CACNB1: variants seen among roughly 807,000 people sequenced by gnomAD.
CACNB1 encodes the protein voltage-dependent L-type calcium channel subunit beta-1.
Under a neutral mutation model 71.6 loss-of-function variants are expected in CACNB1, and 29 were observed. The ratio of observed to expected loss-of-function variants is 0.40; its 90% CI spans 0.30 to 0.55. The LOEUF is 0.55. Ranked by LOEUF, CACNB1 falls within the 20% of genes least tolerant of loss-of-function variation. The pLI, the probability that CACNB1 is intolerant of heterozygous loss-of-function variation, is 0.38. For missense variants in CACNB1, 623 were observed against 801.8 expected (o/e 0.78, Z 2.69); for synonymous variants, 300 against 319.6 (o/e 0.94, Z 0.65).
In CACNB1 at chr17:39,197,648, C is replaced by T; in HGVS notation, c.-153G>A. 1.8e-6 allele frequency: 1 copy of T among 557,152 alleles called. No individual in the cohort carries two copies. Among genetic ancestry groups the T allele is most frequent in the South Asian group, 2.3e-5 (1 of 43,312 alleles). 34.5% of individuals were successfully genotyped at this position (557,152 alleles called of 1,614,324 possible). The stretch of plus-strand genomic sequence containing the variant: ...CGGCTGCCTCCTTCCTGCCTTCCCT[C>T]GCTCCTCCCGCTCTCTCCACTGCCG... On this transcript the variant is annotated 5_prime_UTR_variant, in exon 1 of 14. Transcript: ENST00000394303.
At chr17:39,188,759 C>T (rs550287994) in intron 3 of CACNB1, among the ~76,000 whole-genome samples, 1 of 151,470 alleles carries the variant, frequency 6.6e-6, no homozygotes, top group Non-Finnish European at 1.5e-5. Flanking sequence ...ATAATAATAG[C>T]AGGCCGGGCA....
chr17:39,181,529 A>G (rs1364185934), intron 11 of CACNB1, among the ~76,000 whole-genome samples: 2 of 152,260 alleles, frequency 1.3e-5, no homozygotes, highest in Non-Finnish European at 2.9e-5. Flanking sequence ...AGTAAGTGAC[A>G]GCCCTGGAGT....
chr17:39,184,931 C>T lies in CACNB1; in HGVS notation c.649-67G>A, dbSNP rs2045895358. On this transcript the variant is annotated intron_variant, in intron 7 of 13. Coordinates refer to ENST00000394303, the MANE Select transcript of CACNB1 (RefSeq NM_000723.5). ...GACATTAGATCCTCTCCCCCAGACT[C>T]CAGGCTCCCCCATGCAGCCTTCCCC... 5.0e-6 allele frequency: 6 copies of T among 1,189,900 alleles called. No individual in the cohort carries two copies. The South Asian group carries it at 6.1e-5, about 12-fold the overall frequency. 73.7% of individuals were successfully genotyped at this position (1,189,900 alleles called of 1,614,324 possible). A position where few individuals can be genotyped will look rare whatever the true frequency, so the allele number is the denominator to read the frequency against.
intron 11 of CACNB1, among the ~76,000 whole-genome samples, chr17:39,183,368 G>GAAGAA (rs1433401577): frequency 2.1e-5 from 3 of 143,836 alleles, no homozygotes; most frequent in Non-Finnish European, 3.1e-5. Flanking sequence ...GAAGAAGAAA[G>GAAGAA]GAAAGACCTC....
intron 11 of CACNB1, chr17:39,182,860 C>T: frequency 4.7e-6 from 3 of 637,650 alleles, no homozygotes; most frequent in Non-Finnish European, 5.8e-6. Flanking sequence ...ATAATTCCCC[C>T]AAGATTCCAA....
Position 39,194,818 on chromosome 17 carries a change from T to C in CACNB1, c.171+66A>G. ...GGGTGCCTGGACAATACCGCAGACC[T>C]GGCTCACCAATGCTGGTCTCCACCA... On this transcript the variant is annotated intron_variant, in intron 2 of 13. Coordinates refer to ENST00000394303, the MANE Select transcript of CACNB1 (RefSeq NM_000723.5). This position sits in a 1 kb window ranked among gnomAD's most constrained non-coding sequence, Gnocchi z 4.6. 9.0e-7 allele frequency: 1 copy of C among 1,113,736 alleles called. No individual in the cohort carries two copies. The highest frequency in any genetic ancestry group is 1.4e-5 in the South Asian group (1 of 73,190). 69.0% of individuals were successfully genotyped at this position (1,113,736 alleles called of 1,614,324 possible). A position where few individuals can be genotyped will look rare whatever the true frequency, so the allele number is the denominator to read the frequency against.
At position 39,177,354 on chromosome 17, in the gene CACNB1, A is replaced by T; in HGVS notation, c.1328T>A (p.Leu443His). The change falls in exon 13 of 14, where the codon CTC (leucine) becomes CAC (histidine). Residue 443 changes from leucine to histidine, a missense_variant. Transcript: ENST00000394303. Reference protein sequence around the residue: ...LAASPAPVSNLQGPYLASGDQ... With the variant: ...LAASPAPVSNHQGPYLASGDQ... The stretch of plus-strand genomic sequence containing the variant: ...GAGCGAGGTGAGCACCTGTACCTGG[A>T]GGTTGGAGACAGGGGCAGGGCTGGC... 6.2e-7 allele frequency: 1 copy of T among 1,613,250 alleles called. No homozygotes were observed. The highest frequency in any genetic ancestry group is 8.5e-7 in the Non-Finnish European group (1 of 1,179,730).
At chr17:39,190,358 C>T (rs1020362121) in intron 3 of CACNB1, among the ~76,000 whole-genome samples, 1 of 152,136 alleles carries the variant, frequency 6.6e-6, no homozygotes, top group South Asian at 2.1e-4. Context: ...GCTGTGATCA[C>T]GCCGCTACAC....
Position 39,195,027 on chromosome 17 carries a change from C to T in CACNB1, c.85-57G>A, listed in dbSNP as rs573653646. On this transcript the variant is annotated intron_variant, in intron 1 of 13. Coordinates refer to ENST00000394303, the MANE Select transcript of CACNB1 (RefSeq NM_000723.5). ...ATCAGAAGGGCCCTTTCCCAACCCT[C>T]ATCTTGCCAGCCCCAGAGCTACAGC... is the stretch of plus-strand genomic sequence containing the variant. 5 of 1,240,756 alleles carry T rather than the reference C, an allele frequency of 4.0e-6. No homozygotes were observed. In the East Asian group the frequency reaches 1.2e-4, roughly 29 times the overall value. 76.9% of individuals were successfully genotyped at this position (1,240,756 alleles called of 1,614,324 possible).
intron 11 of CACNB1, among the ~76,000 whole-genome samples, chr17:39,179,588 AAAAAG>A (rs1321707206): frequency 4.0e-5 from 6 of 150,890 alleles, no homozygotes; most frequent in Non-Finnish European, 7.4e-5. Context: ...CAAAAAAAAA[AAAAAG>A]AAAGAAAGAA....
intron 3 of CACNB1, among the ~76,000 whole-genome samples, chr17:39,190,789 G>A (rs1040969324): frequency 6.6e-6 from 1 of 152,024 alleles, no homozygotes; most frequent in African/African-American, 2.4e-5. Flanking sequence ...CAGGTACCAT[G>A]TTACACACTT....
intron 12 of CACNB1, 97 bp from the exon 13 acceptor site, chr17:39,177,632 T>C (rs1597682074): frequency 5.2e-6 from 5 of 956,292 alleles, no homozygotes; most frequent in East Asian, 2.4e-5. Flanking sequence ...AGTCAAGGGA[T>C]TGAAGGACAA....
intron 3 of CACNB1, among the ~76,000 whole-genome samples, chr17:39,191,160 T>A (rs1056182744): frequency 2.6e-5 from 4 of 152,148 alleles, no homozygotes; most frequent in African/African-American, 9.6e-5. Context: ...GCCGAGATCA[T>A]GCCACTGCAC....
chr17:39,175,195 A>G lies in CACNB1; in HGVS notation c.1795T>C (p.Ter599ArgextTer12). 1 of 1,606,996 alleles carries G rather than the reference A, an allele frequency of 6.2e-7. No homozygotes were observed. Among genetic ancestry groups the G allele is most frequent in the East Asian group, 2.2e-5 (1 of 44,802 alleles). Reference sequence around the variant, plus strand: ...TCCCGCCGTGTGGCCCCTGCCTCTCAGCGAATGTAGACGCCTCGTCCCCAG... The same window carrying G: ...TCCCGCCGTGTGGCCCCTGCCTCTCGGCGAATGTAGACGCCTCGTCCCCAG... Reference protein sequence around the residue: ...EGWGRGVYIR* With the variant: ...EGWGRGVYIRR Residue 599 changes from the stop codon to arginine (R), a stop_lost, in exon 14 of 14, where the codon TGA (stop) becomes CGA (arginine). Coordinates refer to ENST00000394303, the MANE Select transcript of CACNB1 (RefSeq NM_000723.5). The surrounding 1 kb of genome is among the most constrained non-coding windows in gnomAD (Gnocchi z 4.7).
At chr17:39,185,508 C>T (rs548134009) in intron 6 of CACNB1, among the ~76,000 whole-genome samples, 1 of 152,232 alleles carries the variant, frequency 6.6e-6, no homozygotes, top group Non-Finnish European at 1.5e-5. Context: ...TGCATGCCAA[C>T]ATGCCCATTT....
At chr17:39,195,214 C>A in intron 1 of CACNB1, 1 of 408,374 alleles carries the variant, frequency 2.4e-6, no homozygotes, top group Non-Finnish European at 4.4e-6. Flanking sequence ...AAGACCCACA[C>A]GGAAACCACC....
chr17:39,197,319 T>C, intron 1 of CACNB1, 93 bp downstream of exon 1: 3 of 747,278 alleles, frequency 4.0e-6, no homozygotes, highest in Non-Finnish European at 4.0e-6. Flanking sequence ...GCGCCCGGCA[T>C]ATAACCCCTT....
At position 39,174,930 on chromosome 17, in the gene CACNB1, T is replaced by A. The variant is rs41283411; in HGVS notation, c.*263A>T. ...AGGAGGGTGAGGGAGGAGAGCCCCT[T>A]AAGATGGGAGAAAGGGGACACTTCA... On this transcript the variant is annotated 3_prime_UTR_variant, in exon 14 of 14. Transcript: ENST00000394303. 0.015 allele frequency: 7,655 copies of A among 498,908 alleles called. 76 individuals carry two copies. Among genetic ancestry groups the A allele is most frequent in the Non-Finnish European group, 0.021 (5,865 of 281,468 alleles). The allele number at this position is 498,908 out of a possible 1,614,324, so 30.9% of individuals were successfully genotyped here.
In CACNB1 at chr17:39,183,761, C is replaced by G; in HGVS notation, c.1002G>C (p.Lys334Asn). Residue 334 changes from lysine to asparagine, a missense_variant, in exon 11 of 14, where the codon AAG (lysine) becomes AAC (asparagine). By Grantham distance (94) the Lys-to-Asn change is moderately conservative. Transcript: ENST00000394303. ...DTINHPAQLS[K>N]TSLAPIIVYI... ...AAACAATGATGGGGGCCAGCGAGGT[C>G]TTGGACAGCTGGGCTGGGTGATTGA... 6.2e-7 allele frequency: 1 copy of G among 1,613,564 alleles called. No homozygotes were observed. Among genetic ancestry groups the G allele is most frequent in the Non-Finnish European group, 8.5e-7 (1 of 1,179,746 alleles).
Sources: gnomAD v4.1 joint callset for allele counts (sites outside exome capture counted in the v4.1 genomes callset) on GRCh38, gnomAD v4.1.1 for gene constraint, Gnocchi (gnomAD v3.1) non-coding constraint, MANE v1.5 for transcripts, NCBI Gene and HGNC (gene_info 2026-07-23, HGNC 2026-07-21) for gene names.